The following C10orf143 variants were observed in gnomAD, a reference collection of about 807,000 sequenced individuals.
C10orf143 encodes uncharacterized protein C10orf143.
chr10:130,062,521 C>T (rs1168624728), downstream of C10orf143, among the ~76,000 whole-genome samples: 1 of 152,218 alleles, frequency 6.6e-6, no homozygotes, highest in Non-Finnish European at 1.5e-5. Flanking sequence ...TGCCCTTGAA[C>T]ATCGAACTCC....
At chr10:130,048,422 C>G (rs548208397) in intron 3 of C10orf143, among the ~76,000 whole-genome samples, 110 of 152,298 alleles carry the variant, frequency 7.2e-4, no homozygotes, top group Admixed American at 1.9e-3. Context: ...TTAGCCCCAT[C>G]ATTACCTAGC....
intron 1 of C10orf143, among the ~76,000 whole-genome samples, chr10:130,089,764 A>T (rs1206424776): frequency 6.6e-6 from 1 of 152,230 alleles, no homozygotes; most frequent in Non-Finnish European, 1.5e-5. Flanking sequence ...TTTATGGTCA[A>T]ATGATCTTTG....
chr10:130,100,557 A>G (rs557348953), intron 1 of C10orf143, among the ~76,000 whole-genome samples: 1 of 152,282 alleles, frequency 6.6e-6, no homozygotes, highest in South Asian at 2.1e-4. Context: ...CAGATGTTAA[A>G]TTTAGCAGAG....
intron 3 of C10orf143, among the ~76,000 whole-genome samples, chr10:130,042,381 G>T (rs1043180543): frequency 3.9e-5 from 6 of 152,348 alleles, no homozygotes; most frequent in Admixed American, 1.3e-4. Flanking sequence ...AAGAGTTTGT[G>T]AATGGATAAA....
At chr10:130,079,084 T>C (rs1040804376) in intron 3 of C10orf143, among the ~76,000 whole-genome samples, 6 of 152,240 alleles carry the variant, frequency 3.9e-5, no homozygotes, top group African/African-American at 1.2e-4. Flanking sequence ...AATCTGACTC[T>C]GGCAGTTTCT....
At position 130,106,570 on chromosome 10, in the gene C10orf143, T is replaced by G. The variant is rs773851124; in HGVS notation, c.69+4134A>C. On this transcript the variant is annotated intron_variant, in intron 1 of 3. Coordinates refer to ENST00000637128, the MANE Select transcript of C10orf143 (RefSeq NM_001355042.2). ...CGGATATTTCAAAAACGATACAGCCTCTAGCAGATGAGTCAGAATCCCTCA... is the reference window on the plus strand; with the variant it reads ...CGGATATTTCAAAAACGATACAGCCGCTAGCAGATGAGTCAGAATCCCTCA... 65 of 1,564,994 alleles carry G rather than the reference T, an allele frequency of 4.2e-5. 2 individuals are homozygous for G. The South Asian group carries it at 6.7e-4, about 16-fold the overall frequency.
chr10:130,053,369 C>A (rs961976285), intron 3 of C10orf143, among the ~76,000 whole-genome samples: 1 of 152,296 alleles, frequency 6.6e-6, no homozygotes, highest in Non-Finnish European at 1.5e-5. Context: ...CCACGCCCGG[C>A]CAAAGTTGCT....
At position 130,082,565 on chromosome 10, in the gene C10orf143, TC is replaced by T. The variant is rs1483404044; in HGVS notation, c.70-2665del. Among the ~76,000 whole-genome samples the T allele has an allele frequency of 3.9e-5, 6 of 152,218 alleles. No individual in the cohort carries two copies. In the East Asian group the frequency reaches 1.2e-3, roughly 29 times the overall value. On this transcript the variant is annotated intron_variant, in intron 1 of 3. Coordinates refer to ENST00000637128, the MANE Select transcript of C10orf143 (RefSeq NM_001355042.2). ...GAGATCTGATGTTTTATAAGGGGCT[TC>T]CCTTTTGCTTGGTTCTCATTCTCTC...
intron 1 of C10orf143, chr10:130,107,053 C>T: frequency 7.0e-7 from 1 of 1,438,586 alleles, no homozygotes; most frequent in African/African-American, 1.4e-5. Flanking sequence ...AAATTTATAT[C>T]CAGTTACCTG....
chr10:130,100,458 A>C (rs1861530512), intron 1 of C10orf143, among the ~76,000 whole-genome samples: 1 of 152,072 alleles, frequency 6.6e-6, no homozygotes, highest in Non-Finnish European at 1.5e-5. Flanking sequence ...TGAACCTGGG[A>C]GGCGAAGGTT....
At chr10:130,071,342 T>C (rs796235496) in intron 3 of C10orf143, among the ~76,000 whole-genome samples, 1 of 152,358 alleles carries the variant, frequency 6.6e-6, no homozygotes, top group African/African-American at 2.4e-5. Context: ...CTCACAGTTA[T>C]AGCACCATTT....
intron 1 of C10orf143, among the ~76,000 whole-genome samples, chr10:130,108,957 CACCACTCTTCTCTCAAGGA>C (rs1313444372): frequency 6.6e-6 from 1 of 152,210 alleles, no homozygotes; most frequent in Admixed American, 6.5e-5. Context: ...ATTGCCTCCA[CACCACTCTTCTCTCAAGGA>C]GCAGCAGTAC....
chr10:130,042,936 A>G (rs981207690), intron 3 of C10orf143, among the ~76,000 whole-genome samples: 1 of 152,216 alleles, frequency 6.6e-6, no homozygotes, highest in Non-Finnish European at 1.5e-5. Flanking sequence ...TGTTAAAGAC[A>G]CATACTGAGG....
At position 130,106,302 on chromosome 10, in the gene C10orf143, T is replaced by C. The variant is rs773427583; in HGVS notation, c.69+4402A>G. 2.1e-5 allele frequency: 33 copies of C among 1,591,110 alleles called. No individual in the cohort carries two copies. The East Asian group carries it at 6.1e-4, about 29-fold the overall frequency. ...CTTGCTATAATGCTTTCTGGACTAA[T>C]TGAAGAAAAATGTAAACTACTTGAA... On this transcript the variant is annotated intron_variant, in intron 1 of 3. Coordinates refer to ENST00000637128, the MANE Select transcript of C10orf143 (RefSeq NM_001355042.2).
intron 3 of C10orf143, among the ~76,000 whole-genome samples, chr10:130,050,392 GAAC>G (rs1305264279): frequency 1.3e-5 from 2 of 152,218 alleles, no homozygotes; most frequent in African/African-American, 2.4e-5. Context: ...CAACATGGCT[GAAC>G]AACAACAAAA....
chr10:130,101,877 A>C lies in C10orf143; in HGVS notation c.69+8827T>G, dbSNP rs1192503132. Among the ~76,000 whole-genome samples the C allele has an allele frequency of 2.9e-3, 426 of 148,604 alleles. 10 individuals carry two copies. Among genetic ancestry groups the C allele is most frequent in the African/African-American group, 9.9e-3 (391 of 39,456 alleles). On this transcript the variant is annotated intron_variant, in intron 1 of 3. Transcript: ENST00000637128. ...AAAAAAAAAAAACCAAAAAAAAAAAAAAAAAAAACTTTTTCAGAATATAGA... is the reference window on the plus strand; with the variant it reads ...AAAAAAAAAAAACCAAAAAAAAAAACAAAAAAAACTTTTTCAGAATATAGA...
At chr10:130,057,726 CG>C (rs560459994) in intron 3 of C10orf143, among the ~76,000 whole-genome samples, 120 of 152,300 alleles carry the variant, frequency 7.9e-4, no homozygotes, top group Middle Eastern at 3.4e-3. Flanking sequence ...ACTGGAGTGG[CG>C]GGTTCTGAGG....
chr10:130,069,038 AT>A (rs1417395262), intron 3 of C10orf143, among the ~76,000 whole-genome samples: 1 of 152,218 alleles, frequency 6.6e-6, no homozygotes. Flanking sequence ...ATTAATCTAT[AT>A]ATACAAGAAA....
rs116704172 is a variant in C10orf143 at position 130,107,697 on chromosome 10, G to T, written c.69+3007C>A. ...CTCAGACTCTCACCTTTGCCTCCAG[G>T]GGGGGAAGGAAGAGGCTCAAGAGGC... On this transcript the variant is annotated intron_variant, in intron 1 of 3. Transcript: ENST00000637128. 0.012 allele frequency: 15,318 copies of T among 1,271,924 alleles called. 1,362 individuals carry two copies. The African/African-American group carries it at 0.19, about 16-fold the overall frequency. 78.8% of individuals were successfully genotyped at this position (1,271,924 alleles called of 1,614,324 possible).
Sources: allele counts gnomAD v4.1 joint callset (sites outside exome capture counted in the v4.1 genomes callset), GRCh38; gene constraint gnomAD v4.1.1; transcripts MANE v1.5; gene names NCBI Gene and HGNC (gene_info 2026-07-23, HGNC 2026-07-21).